CEP128: variants seen among roughly 807,000 people sequenced by gnomAD.
CEP128 encodes centrosomal protein 128kDa.
In CEP128, 132 loss-of-function variants were observed where a neutral mutation model predicts 156.7. That is an observed-to-expected ratio of 0.84 (90% CI 0.73 to 0.97). The LOEUF is 0.97. CEP128 is among the 50% of genes least tolerant of loss of function. The pLI is 0.00. For missense variants in CEP128, 1,252 were observed against 1,281.9 expected, an observed-to-expected ratio of 0.98 and a Z score of 0.36; for synonymous variants, 469 against 448.9, an observed-to-expected ratio of 1.04 and a Z score of -0.57.
chr14:80,564,868 G>A (rs1206207727), intron 20 of CEP128, among the ~76,000 whole-genome samples: 1 of 152,098 alleles, frequency 6.6e-6, no homozygotes, highest in African/African-American at 2.4e-5. Flanking sequence ...AGACGAGCCT[G>A]GCTAACATGG....
At chr14:80,940,798 G>A (rs968089308) in intron 1 of CEP128, among the ~76,000 whole-genome samples, 2 of 151,880 alleles carry the variant, frequency 1.3e-5, no homozygotes, top group African/African-American at 2.4e-5. Flanking sequence ...TTTAATGTGG[G>A]TACTACAAAA....
chr14:80,526,931 C>G lies in CEP128; in HGVS notation c.3010G>C (p.Val1004Leu). Reference sequence around the variant, plus strand: ...TGATGCTGAAGAGAATTTCTGCGAACCCTGTATTTGGAATATCTTCCATCA... The same window carrying G: ...TGATGCTGAAGAGAATTTCTGCGAAGCCTGTATTTGGAATATCTTCCATCA... The part of the protein sequence containing the change: ...RTDGRYSKYR[V>L]RRNSLQHHQD... Residue 1004 changes from valine to leucine, a missense_variant, in exon 23 of 25, where the codon GTT becomes CTT. By Grantham distance (32) the Val-to-Leu change is conservative (BLOSUM62 1). Coordinates refer to ENST00000555265, the MANE Select transcript of CEP128 (RefSeq NM_152446.5). The G allele has an allele frequency of 6.2e-7, 1 of 1,610,952 alleles. No homozygotes were observed. Among genetic ancestry groups the G allele is most frequent in the Non-Finnish European group, 8.5e-7 (1 of 1,178,772 alleles).
chr14:80,721,235 A>C (rs190443219), intron 19 of CEP128, among the ~76,000 whole-genome samples: 1 of 152,184 alleles, frequency 6.6e-6, no homozygotes, highest in Non-Finnish European at 1.5e-5. Context: ...TTCAGGTTAC[A>C]TTCATCATCT....
intron 19 of CEP128, among the ~76,000 whole-genome samples, chr14:80,726,934 T>G (rs1015096833): frequency 2.0e-4 from 30 of 152,322 alleles, no homozygotes; most frequent in African/African-American, 7.2e-4. Flanking sequence ...AATTTCTAAG[T>G]GCTCCTGATA....
chr14:80,877,903 G>C (rs922321781), intron 8 of CEP128, among the ~76,000 whole-genome samples: 1 of 151,798 alleles, frequency 6.6e-6, no homozygotes, highest in Non-Finnish European at 1.5e-5. Context: ...TCAGGCCTCT[G>C]GCCTACTGGA....
At chr14:80,951,454 T>G (rs1335205276) in intron 2 of CEP128, among the ~76,000 whole-genome samples, 2 of 152,274 alleles carry the variant, frequency 1.3e-5, no homozygotes, top group Admixed American at 1.3e-4. Context: ...GAATGTGGAC[T>G]ATGATAACTT....
At chr14:80,820,639 G>C (rs327454) in intron 13 of CEP128, among the ~76,000 whole-genome samples, 97,411 of 151,990 alleles carry the variant, frequency 0.64, 31,638 homozygotes, top group East Asian at 0.79. Flanking sequence ...ACTTGCCTCC[G>C]CAACAAAATA....
intron 20 of CEP128, among the ~76,000 whole-genome samples, chr14:80,565,976 G>A (rs966455731): frequency 2.6e-5 from 4 of 152,128 alleles, no homozygotes; most frequent in Admixed American, 6.5e-5. Context: ...GCATAAAAAC[G>A]TAAGAAGAGT....
At position 80,793,071 on chromosome 14, in the gene CEP128, G is replaced by T; in HGVS notation, c.1249C>A (p.Leu417Met). 1.2e-6 allele frequency: 2 copies of T among 1,613,570 alleles called. No homozygotes were observed. The highest frequency in any genetic ancestry group is 1.7e-6 in the Non-Finnish European group (2 of 1,179,506). Reference protein sequence around the residue: ...RELENGEKQQLQMLDRLKEIQ... With the variant: ...RELENGEKQQMQMLDRLKEIQ... ...TCCTTAAGTCGATCCAACATCTGCA[G>T]TTGCTGTTTTTCCCCATTCTCCAGT... Residue 417 changes from leucine to methionine, a missense_variant, in exon 14 of 25, where the codon CTG becomes ATG. Physicochemically the swap from Leu to Met is conservative, Grantham distance 15. Transcript: ENST00000555265.
Position 80,895,795 on chromosome 14 carries a change from G to T in CEP128, c.573-5C>A. The T allele has an allele frequency of 9.4e-6, 10 of 1,059,774 alleles. No homozygotes were observed. The highest frequency in any genetic ancestry group is 3.5e-5 in the African/African-American group (1 of 28,400). The allele number at this position is 1,059,774 out of a possible 1,614,324, so 65.6% of individuals were successfully genotyped here. A position where few individuals can be genotyped will look rare whatever the true frequency, so the allele number is the denominator to read the frequency against. Reference sequence around the variant, plus strand: ...CTTTTTGTTTCGGCATCTGACCTAGGAAGAAAAAAAAAAAAAAGATTTAAA... The same window carrying T: ...CTTTTTGTTTCGGCATCTGACCTAGTAAGAAAAAAAAAAAAAAGATTTAAA... On this transcript the variant is annotated splice_polypyrimidine_tract_variant and splice_region_variant and intron_variant, in intron 7 of 24. Coordinates refer to ENST00000555265, the MANE Select transcript of CEP128 (RefSeq NM_152446.5).
intron 2 of CEP128, among the ~76,000 whole-genome samples, chr14:80,931,700 C>T (rs28787628): frequency 0.17 from 25,166 of 152,154 alleles, 3,610 homozygotes; most frequent in African/African-American, 0.39. Flanking sequence ...TGTCACTTCA[C>T]GGGAAAACGA....
At chr14:80,936,615 C>A (rs1010622274) in intron 2 of CEP128, among the ~76,000 whole-genome samples, 14 of 152,082 alleles carry the variant, frequency 9.2e-5, no homozygotes, top group African/African-American at 3.1e-4. Context: ...CAGAAACAAG[C>A]TTTAAAAACT....
intron 19 of CEP128, among the ~76,000 whole-genome samples, chr14:80,625,653 A>T (rs367642742): frequency 4.3e-4 from 66 of 151,972 alleles, no homozygotes; most frequent in African/African-American, 1.6e-3. Flanking sequence ...TAGTTTTGTT[A>T]TCGAGATCTT....
chr14:80,628,414 A>C (rs1162185692), intron 19 of CEP128, among the ~76,000 whole-genome samples: 2 of 152,214 alleles, frequency 1.3e-5, no homozygotes, highest in African/African-American at 2.4e-5. Flanking sequence ...AATTGGTTAC[A>C]TGCAGTAAAA....
At position 80,497,187 on chromosome 14, in the gene CEP128, GTGAC is replaced by G. The variant is rs964986611; in HGVS notation, c.*288_*291del. ...AAATCCAAATTTTGGTTGGGAAAAT[GTGAC>G]TGACCACACTTGAAAAAGGAAAATA... On this transcript the variant is annotated 3_prime_UTR_variant, in exon 25 of 25. Transcript: ENST00000555265. The G allele has an allele frequency of 2.5e-5, 5 of 197,972 alleles. No homozygotes were observed. Among genetic ancestry groups the G allele is most frequent in the African/African-American group, 4.6e-5 (2 of 43,200 alleles). 12.3% of individuals were successfully genotyped at this position (197,972 alleles called of 1,614,324 possible). A position where few individuals can be genotyped will look rare whatever the true frequency, so the allele number is the denominator to read the frequency against.
At chr14:80,613,116 A>G (rs1008895991) in intron 19 of CEP128, among the ~76,000 whole-genome samples, 1 of 149,318 alleles carries the variant, frequency 6.7e-6, no homozygotes, top group Non-Finnish European at 1.5e-5. Flanking sequence ...TCGGCCTCCC[A>G]AAGTGCTAGG....
intron 2 of CEP128, among the ~76,000 whole-genome samples, chr14:80,928,793 T>C (rs183261052): frequency 6.6e-6 from 1 of 152,118 alleles, no homozygotes; most frequent in East Asian, 1.9e-4. Flanking sequence ...GAAGAAAACC[T>C]AGGAAAAACT....
intron 19 of CEP128, among the ~76,000 whole-genome samples, chr14:80,598,297 T>A (rs538773354): frequency 2.6e-5 from 4 of 152,224 alleles, no homozygotes. Flanking sequence ...TACAAAAATC[T>A]ATTATATTTC....
rs1594942088 is a variant in CEP128, at chr14:80,520,541, T to C, written c.3072+6328A>G. Among the ~76,000 whole-genome samples the C allele has an allele frequency of 5.9e-5, 9 of 152,336 alleles. No homozygotes were observed. In the South Asian group the frequency reaches 1.7e-3, roughly 28 times the overall value. On this transcript the variant is annotated intron_variant, in intron 23 of 24. Coordinates refer to ENST00000555265, the MANE Select transcript of CEP128 (RefSeq NM_152446.5). ...TGACTAGTTTTCATAATAGGACTAA[T>C]AGCTAATTGATATTTTATTGTATAA...
Sources: gnomAD v4.1 joint callset for allele counts (sites outside exome capture counted in the v4.1 genomes callset) on GRCh38, gnomAD v4.1.1 for gene constraint, MANE v1.5 for transcripts, NCBI Gene and HGNC (gene_info 2026-07-23, HGNC 2026-07-21) for gene names.